Variants in NCOR1 observed in about 807,000 individuals in gnomAD.
NCOR1 encodes nuclear receptor corepressor 1.
A neutral mutation model predicts 288.1 loss-of-function variants in NCOR1; 63 were observed. The observed-to-expected ratio is 0.22, with a 90% CI of 0.18 to 0.27. The LOEUF (loss-of-function observed/expected upper bound fraction) is 0.27, where lower values mean the gene tolerates loss of function less well. NCOR1 is among the 10% of genes least tolerant of loss of function. The pLI is 1.00. For synonymous variants in NCOR1, 1,007 were observed against 1,065.9 expected, an observed-to-expected ratio of 0.94 and a Z score of 1.08; for missense variants, 2,397 against 3,019.2, an observed-to-expected ratio of 0.79 and a Z score of 4.83.
At chr17:16,113,065 C>T (rs1399258020) in intron 18 of NCOR1, among the ~76,000 whole-genome samples, 1 of 151,914 alleles carries the variant, frequency 6.6e-6, no homozygotes, top group African/African-American at 2.4e-5. Context: ...CACCCACCAC[C>T]ATGGCCGGCT....
At position 16,215,476 on chromosome 17, in the gene NCOR1, C is replaced by G. The variant is rs1402937149; in HGVS notation, c.-185G>C. The G allele has an allele frequency of 2.5e-6, 1 of 398,612 alleles. No individual in the cohort carries two copies. The highest frequency in any genetic ancestry group is 4.4e-6 in the Non-Finnish European group (1 of 226,200). 24.7% of individuals were successfully genotyped at this position (398,612 alleles called of 1,614,324 possible). A position where few individuals can be genotyped will look rare whatever the true frequency, so the allele number is the denominator to read the frequency against. The stretch of plus-strand genomic sequence containing the variant: ...TTCGGCGCGGCGAGTCGGACGCTCA[C>G]TCCAGCCGCCGCCGCCGCCGCGGCT... On this transcript the variant is annotated 5_prime_UTR_variant, in exon 1 of 46. Transcript: ENST00000268712.
chr17:16,199,476 G>A (rs577735579), intron 1 of NCOR1, among the ~76,000 whole-genome samples: 29 of 152,200 alleles, frequency 1.9e-4, no homozygotes, highest in East Asian at 1.7e-3. Context: ...GAAACATTCC[G>A]ATCTAGTAAG....
At chr17:16,149,296 T>TATATATAC (rs763932660) in intron 9 of NCOR1, among the ~76,000 whole-genome samples, 155 bp downstream of exon 9, 1 of 132,208 alleles carries the variant, frequency 7.6e-6, no homozygotes, top group Non-Finnish European at 1.6e-5. Context: ...TTAAGTCATA[T>TATATATAC]ATATATATAT....
At chr17:16,063,351 T>A (rs1156780932) in intron 35 of NCOR1, among the ~76,000 whole-genome samples, 2 of 151,798 alleles carry the variant, frequency 1.3e-5, no homozygotes, top group Non-Finnish European at 2.9e-5. Flanking sequence ...GGCTAATTTT[T>A]TATATATATA....
At chr17:16,115,084 T>C (rs971480650) in intron 18 of NCOR1, among the ~76,000 whole-genome samples, 2 of 152,146 alleles carry the variant, frequency 1.3e-5, no homozygotes, top group African/African-American at 4.8e-5. Context: ...TTGACTTCTA[T>C]GTACCCACAG....
At chr17:16,156,956 T>C (rs2079910822) in intron 6 of NCOR1, among the ~76,000 whole-genome samples, 1 of 151,674 alleles carries the variant, frequency 6.6e-6, no homozygotes, top group African/African-American at 2.4e-5. Flanking sequence ...ATTTGAAAAA[T>C]AATTCATACT....
chr17:16,133,418 T>C (rs1223707825), intron 14 of NCOR1, among the ~76,000 whole-genome samples: 1 of 152,188 alleles, frequency 6.6e-6, no homozygotes, highest in Non-Finnish European at 1.5e-5. Flanking sequence ...AAACATGCCA[T>C]AATGGCTGTG....
chr17:16,039,335 G>A (rs148178590), intron 44 of NCOR1, 98 bp downstream of exon 44: 7 of 1,182,490 alleles, frequency 5.9e-6, no homozygotes, highest in Non-Finnish European at 7.2e-6. Context: ...AGCACATAAA[G>A]ACATAAATGA....
intron 1 of NCOR1, among the ~76,000 whole-genome samples, chr17:16,201,571 C>T (rs1460249793): frequency 6.6e-6 from 1 of 152,110 alleles, no homozygotes; most frequent in South Asian, 2.1e-4. Context: ...GCACTCCAGC[C>T]TGAGCAAGAG....
intron 2 of NCOR1, among the ~76,000 whole-genome samples, chr17:16,191,460 T>C (rs1239727386): frequency 1.3e-5 from 2 of 152,162 alleles, no homozygotes; most frequent in Non-Finnish European, 2.9e-5. Context: ...ACTCACAATG[T>C]TCATATTCTC....
intron 1 of NCOR1, among the ~76,000 whole-genome samples, chr17:16,203,559 C>A (rs1003432216): frequency 1.1e-4 from 17 of 152,214 alleles, no homozygotes; most frequent in Non-Finnish European, 1.8e-4. Context: ...TACTCTCAAT[C>A]ACATCACCCT....
At chr17:16,048,788 G>A in intron 41 of NCOR1, 57 bp downstream of exon 41, 1 of 1,463,542 alleles carries the variant, frequency 6.8e-7, no homozygotes, top group Non-Finnish European at 9.1e-7. Context: ...TGAAGGAAAT[G>A]TTAAAGCATG....
At chr17:16,197,065 T>A (rs1478017938) in intron 1 of NCOR1, among the ~76,000 whole-genome samples, 2 of 151,664 alleles carry the variant, frequency 1.3e-5, no homozygotes, top group African/African-American at 2.4e-5. Context: ...CCGGGCGCGG[T>A]GGCTCACGCA....
intron 15 of NCOR1, among the ~76,000 whole-genome samples, 156 bp from the exon 16 acceptor site, chr17:16,121,425 G>C (rs181431256): frequency 8.8e-4 from 133 of 151,366 alleles, no homozygotes; most frequent in African/African-American, 3.0e-3. Context: ...CCATACCATA[G>C]TTTTTAAAAG....
chr17:16,209,005 C>G (rs148611832), intron 1 of NCOR1, among the ~76,000 whole-genome samples: 4 of 152,076 alleles, frequency 2.6e-5, no homozygotes, highest in Admixed American at 2.0e-4. Flanking sequence ...ACTCTAGCTG[C>G]TAAGCTCATT....
At chr17:16,189,325 T>C (rs1355751527) in intron 2 of NCOR1, among the ~76,000 whole-genome samples, 1 of 151,754 alleles carries the variant, frequency 6.6e-6, no homozygotes, top group Non-Finnish European at 1.5e-5. Context: ...ACCCAGGAGG[T>C]GGAGGTTGCA....
At chr17:16,098,556 T>A in intron 20 of NCOR1, 60 bp from the exon 21 acceptor site, 2 of 1,468,184 alleles carry the variant, frequency 1.4e-6, no homozygotes, top group Middle Eastern at 1.7e-4. Context: ...AAACATATAA[T>A]CACTATAAGT....
chr17:16,077,417 C>A (rs1324793601), intron 26 of NCOR1, among the ~76,000 whole-genome samples: 5 of 127,930 alleles, frequency 3.9e-5, no homozygotes, highest in African/African-American at 8.8e-5. Context: ...AGCAAGCAAG[C>A]AAAAAGGAAG....
At chr17:16,151,681 G>C (rs1379077631) in intron 8 of NCOR1, 1 of 1,305,040 alleles carries the variant, frequency 7.7e-7, no homozygotes, top group African/African-American at 1.5e-5. Flanking sequence ...TCAATGTTAA[G>C]TATCCACCTT....
Sources: gnomAD v4.1 joint callset for allele counts (sites outside exome capture counted in the v4.1 genomes callset) on GRCh38, gnomAD v4.1.1 for gene constraint, MANE v1.5 for transcripts, NCBI Gene and HGNC (gene_info 2026-07-23, HGNC 2026-07-21) for gene names.